The following ADAT1 variants were observed in gnomAD, a reference collection of about 807,000 sequenced individuals.
ADAT1 encodes adenosine deaminase tRNA specific 1.
In ADAT1, 58 loss-of-function variants were observed where a neutral mutation model predicts 58.6. That is an observed-to-expected ratio of 0.99 (90% CI 0.80 to 1.23). The LOEUF is 1.23. Ranked by LOEUF, ADAT1 falls within the 50% of genes most tolerant of loss-of-function variation. The pLI is 0.00. For synonymous variants in ADAT1, 254 were observed against 220.8 expected, an observed-to-expected ratio of 1.15 and a Z score of -1.33; for missense variants, 741 against 608.6, an observed-to-expected ratio of 1.22 and a Z score of -2.29.
rs781611816 is a variant in ADAT1, at chr16:75,612,406, T to C, written c.880A>G (p.Thr294Ala). ...TTGTCACTACAGGACATGGAGCGTG[T>C]TCTGTCTCCACGGCCTGGCTTCACT... ...LRVKPGRGDRTRSMSCSDKMA... is the reference protein window; with the variant it reads ...LRVKPGRGDRARSMSCSDKMA... Residue 294 changes from threonine (T) to alanine (A), a missense_variant, in exon 6 of 10, where the codon ACA becomes GCA. Transcript: ENST00000564657. 1 of 1,614,240 alleles carries C rather than the reference T, an allele frequency of 6.2e-7. No individual in the cohort carries two copies. The highest frequency in any genetic ancestry group is 1.1e-5 in the South Asian group (1 of 91,090).
At chr16:75,618,447 A>T in intron 4 of ADAT1, 139 bp downstream of exon 4, 1 of 434,204 alleles carries the variant, frequency 2.3e-6, no homozygotes, top group Non-Finnish European at 4.1e-6. Context: ...CGGAGGTTGC[A>T]GTGAGCTGAG....
At chr16:75,603,950 TA>T (rs59928838) in intron 8 of ADAT1, among the ~76,000 whole-genome samples, 17,642 of 152,056 alleles carry the variant, frequency 0.12, 2,528 homozygotes, top group East Asian at 0.7. Flanking sequence ...AAATCTCCCT[TA>T]CCTGGCTGGA....
At chr16:75,615,479 C>A in intron 5 of ADAT1, among the ~76,000 whole-genome samples, 1 of 3,368 alleles carries the variant, frequency 3.0e-4, no homozygotes, top group Non-Finnish European at 6.9e-4. Flanking sequence ...AGTTGATGAG[C>A]TAAAAAAAAA....
chr16:75,617,758 T>C (rs1333510641), intron 4 of ADAT1, among the ~76,000 whole-genome samples: 1 of 151,608 alleles, frequency 6.6e-6, no homozygotes, highest in Non-Finnish European at 1.5e-5. Flanking sequence ...TTAACAAGCC[T>C]TCTAGGTTCT....
rs1356005181 is a variant in ADAT1, at chr16:75,623,229, C to T, written c.-848G>A. The T allele has an allele frequency of 6.6e-6, 1 of 152,324 alleles. No homozygotes were observed. The highest frequency in any genetic ancestry group is 1.9e-4 in the East Asian group (1 of 5,202). 9.4% of individuals were successfully genotyped at this position (152,324 alleles called of 1,614,324 possible). ...TCGCCCCAGCGCCTCGCGGACGCTCCCCTCCCACCTTCAGGAAACGCGCCT... is the reference window on the plus strand; with the variant it reads ...TCGCCCCAGCGCCTCGCGGACGCTCTCCTCCCACCTTCAGGAAACGCGCCT... On this transcript the variant is annotated 5_prime_UTR_variant, in exon 1 of 10. Transcript: ENST00000564657.
At position 75,599,915 on chromosome 16, in the gene ADAT1, C is replaced by G; in HGVS notation, c.*301G>C. 9.1e-7 allele frequency: 1 copy of G among 1,104,430 alleles called. No individual in the cohort carries two copies. The highest frequency in any genetic ancestry group is 1.1e-6 in the Non-Finnish European group (1 of 904,578). 68.4% of individuals were successfully genotyped at this position (1,104,430 alleles called of 1,614,324 possible). ...CAATGTAGGAACCCATAAAACAGAG[C>G]TGCTGCAGAGTACTTTCAAAGCATC... On this transcript the variant is annotated 3_prime_UTR_variant, in exon 10 of 10. Coordinates refer to ENST00000564657, the MANE Select transcript of ADAT1 (RefSeq NM_001324445.2).
Position 75,608,455 on chromosome 16 carries a change from T to C in ADAT1, c.1190-132A>G. 4 of 738,810 alleles carry C rather than the reference T, an allele frequency of 5.4e-6. No homozygotes were observed. The East Asian group carries it at 1.1e-4, about 20-fold the overall frequency. The allele number at this position is 738,810 out of a possible 1,614,324, so 45.8% of individuals were successfully genotyped here. On this transcript the variant is annotated intron_variant, in intron 7 of 9. Coordinates refer to ENST00000564657, the MANE Select transcript of ADAT1 (RefSeq NM_001324445.2). ...ATATGATGTCACAGACAATGACTGC[T>C]ATTGGATGCTTGGCCTCCAGGGTAC...
rs2081547446 is a variant in ADAT1 at position 75,611,884 on chromosome 16, C to T, written c.1043+359G>A. On this transcript the variant is annotated intron_variant, in intron 6 of 9. Coordinates refer to ENST00000564657, the MANE Select transcript of ADAT1 (RefSeq NM_001324445.2). Reference sequence around the variant, plus strand: ...ACCAGCCTGACCAACATGGTGAAACCCCGTCTCTACTAAAAATACAAAAAT... The same window carrying T: ...ACCAGCCTGACCAACATGGTGAAACTCCGTCTCTACTAAAAATACAAAAAT... 3.3e-5 allele frequency among the ~76,000 whole-genome samples: 5 copies of T among 151,720 alleles called. No individual in the cohort carries two copies. In the South Asian group the frequency reaches 1.0e-3, roughly 32 times the overall value.
rs1250035390 is a variant in ADAT1, at chr16:75,620,822, T to C, written c.-21-2A>G. 2 of 1,594,422 alleles carry C rather than the reference T, an allele frequency of 1.3e-6. No individual in the cohort carries two copies. The highest frequency in any genetic ancestry group is 2.7e-5 in the African/African-American group (2 of 74,366). On this transcript the variant is annotated splice_acceptor_variant, in intron 1 of 9. Coordinates refer to ENST00000564657, the MANE Select transcript of ADAT1 (RefSeq NM_001324445.2). LOFTEE classifies it low-confidence loss of function (5UTR_SPLICE). ...CATGGTCTGAGCTGGTATTGAGACC[T>C]TGATCAAAAACCACAACCATCAGAA...
At chr16:75,617,749 T>C (rs1054502954) in intron 4 of ADAT1, among the ~76,000 whole-genome samples, 1 of 151,746 alleles carries the variant, frequency 6.6e-6, no homozygotes, top group Non-Finnish European at 1.5e-5. Flanking sequence ...ATCTGGGTTT[T>C]AACAAGCCTT....
chr16:75,599,467 C>G lies in ADAT1; in HGVS notation c.*749G>C. On this transcript the variant is annotated 3_prime_UTR_variant, in exon 10 of 10. Transcript: ENST00000564657. ...GCTTAATCAAAATAACAACAGGAAT[C>G]TGTCTCACATAATTGAGACATCTAA... 2.0e-6 allele frequency: 2 copies of G among 985,848 alleles called. No individual in the cohort carries two copies. The highest frequency in any genetic ancestry group is 2.4e-6 in the Non-Finnish European group (2 of 829,912). The allele number at this position is 985,848 out of a possible 1,614,324, so 61.1% of individuals were successfully genotyped here. A position where few individuals can be genotyped will look rare whatever the true frequency, so the allele number is the denominator to read the frequency against.
intron 8 of ADAT1, among the ~76,000 whole-genome samples, chr16:75,607,251 C>G (rs991150992): frequency 6.6e-6 from 1 of 151,714 alleles, no homozygotes; most frequent in Non-Finnish European, 1.5e-5. Context: ...CACCTGTAAT[C>G]CCAGCATTTT....
At chr16:75,620,064 A>C (rs2081882574) in intron 3 of ADAT1, among the ~76,000 whole-genome samples, 1 of 152,120 alleles carries the variant, frequency 6.6e-6, no homozygotes, top group African/African-American at 2.4e-5. Context: ...AGTTATTCGG[A>C]AAGCATGTTC....
At position 75,599,349 on chromosome 16, in the gene ADAT1, T is replaced by A; in HGVS notation, c.*867A>T. On this transcript the variant is annotated 3_prime_UTR_variant, in exon 10 of 10. Transcript: ENST00000564657. ...TGCCTGCCTGGGCTTCCCAAAGTGCTGGGATTACAGGCCTGAGCCACCAAG... is the reference window on the plus strand; with the variant it reads ...TGCCTGCCTGGGCTTCCCAAAGTGCAGGGATTACAGGCCTGAGCCACCAAG... 1 of 984,856 alleles carries A rather than the reference T, an allele frequency of 1.0e-6. No homozygotes were observed. The highest frequency in any genetic ancestry group is 1.2e-6 in the Non-Finnish European group (1 of 829,062). 61.0% of individuals were successfully genotyped at this position (984,856 alleles called of 1,614,324 possible).
At chr16:75,607,316 C>T (rs2081397252) in intron 8 of ADAT1, among the ~76,000 whole-genome samples, 2 of 151,974 alleles carry the variant, frequency 1.3e-5, no homozygotes, top group Non-Finnish European at 2.9e-5. Context: ...CCAGCCTGGC[C>T]AACATGGCGA....
At chr16:75,620,494 G>A (rs1417868235) in intron 2 of ADAT1, 137 bp downstream of exon 2, 11 of 1,390,424 alleles carry the variant, frequency 7.9e-6, no homozygotes, top group African/African-American at 5.7e-5. Flanking sequence ...GAGGTACTGC[G>A]TCACCTAGCA....
At chr16:75,603,701 AAGG>A (rs1408869139) in intron 8 of ADAT1, among the ~76,000 whole-genome samples, 1 of 122,022 alleles carries the variant, frequency 8.2e-6, no homozygotes, top group East Asian at 2.9e-4. Flanking sequence ...TGGAATACTT[AAGG>A]AGGTGAGTGT....
rs1213772511 is a variant in ADAT1, at chr16:75,606,053, G to GT, written c.1289+2170_1289+2171insA. On this transcript the variant is annotated intron_variant, in intron 8 of 9. Transcript: ENST00000564657. ...GCTGTTGTTTGTTTTTTAGAGATTGGGGGGGGGGTCTCATTTTGTTGCCCA... is the reference window on the plus strand; with the variant it reads ...GCTGTTGTTTGTTTTTTAGAGATTGGTGGGGGGGGTCTCATTTTGTTGCCCA... Among the ~76,000 whole-genome samples the GT allele has an allele frequency of 3.5e-4, 15 of 43,444 alleles. No homozygotes were observed. The East Asian group carries it at 4.8e-3, about 14-fold the overall frequency. The allele number at this position is 43,444 out of a possible 152,430, so 28.5% of individuals were successfully genotyped here. A position where few individuals can be genotyped will look rare whatever the true frequency, so the allele number is the denominator to read the frequency against.
chr16:75,622,123 C>A (rs1349496659), intron 1 of ADAT1, among the ~76,000 whole-genome samples: 2 of 152,304 alleles, frequency 1.3e-5, no homozygotes, highest in South Asian at 2.1e-4. Flanking sequence ...GCACTCCAGG[C>A]TGGGTGACAG....
Sources: gnomAD v4.1 joint callset for allele counts (sites outside exome capture counted in the v4.1 genomes callset) on GRCh38, gnomAD v4.1.1 for gene constraint, MANE v1.5 for transcripts, NCBI Gene and HGNC (gene_info 2026-07-23, HGNC 2026-07-21) for gene names.